Variants in ARHGEF9 observed in about 807,000 individuals in gnomAD.
ARHGEF9 encodes the protein Cdc42 guanine nucleotide exchange factor 9.
Under a neutral mutation model 41.3 loss-of-function variants are expected in ARHGEF9, and 2 were observed. The observed-to-expected ratio is 0.05, with a 90% CI of 0.02 to 0.15. ARHGEF9 has a LOEUF of 0.15. ARHGEF9 is among the 10% of genes least tolerant of loss of function. The pLI, the probability that ARHGEF9 is intolerant of heterozygous loss-of-function variation, is 1.00. For synonymous variants in ARHGEF9, 160 were observed against 154.4 expected (o/e 1.04, Z -0.27); for missense variants, 225 against 424.7 (o/e 0.53, Z 4.13).
intron 4 of ARHGEF9, among the ~76,000 whole-genome samples, chrX:63,690,184 A>G (rs1185360340): frequency 8.9e-6 from 1 of 111,882 alleles, no homozygotes; most frequent in Non-Finnish European, 1.9e-5. Flanking sequence ...GCTGAAAAAT[A>G]CAAAAGATCA....
At chrX:63,687,778 C>A (rs2051076669) in intron 4 of ARHGEF9, among the ~76,000 whole-genome samples, 2 of 109,356 alleles carry the variant, frequency 1.8e-5, no homozygotes, top group South Asian at 8.0e-4. Context: ...GAAGAAAGAA[C>A]CGGTGAGCCC....
chrX:63,671,750 G>A (rs782409484), intron 6 of ARHGEF9, among the ~76,000 whole-genome samples: 4 of 112,586 alleles, frequency 3.6e-5, no homozygotes, highest in East Asian at 2.8e-4. Context: ...CACAAGAATC[G>A]TCAGGGTTGT....
chrX:63,642,556 G>A (rs1556307380), intron 9 of ARHGEF9: 1 of 111,969 alleles, frequency 8.9e-6, no homozygotes, highest in Non-Finnish European at 1.9e-5. Context: ...ATAAGCAGTT[G>A]AAGGGGAGGC....
intron 9 of ARHGEF9, chrX:63,642,826 T>C (rs1265755944): frequency 9.0e-6 from 1 of 111,362 alleles, no homozygotes; most frequent in African/African-American, 3.3e-5. Flanking sequence ...TGAACATGGC[T>C]ATCAGTAATA....
chrX:63,733,324 G>A (rs2054426685), intron 1 of ARHGEF9, among the ~76,000 whole-genome samples: 1 of 112,023 alleles, frequency 8.9e-6, no homozygotes, highest in African/African-American at 3.2e-5. Context: ...TTTATTGCTA[G>A]GTGGCTTCTA....
chrX:63,642,351 A>T (rs1400867800), intron 9 of ARHGEF9: 1 of 111,774 alleles, frequency 8.9e-6, no homozygotes, highest in Non-Finnish European at 1.9e-5. Context: ...ACTGACATTA[A>T]CTCCAGATTG....
At chrX:63,755,196 C>T in intron 1 of ARHGEF9, 1 of 938,805 alleles carries the variant, frequency 1.1e-6, no homozygotes, top group Non-Finnish European at 1.3e-6. Flanking sequence ...GCGGCCAGAG[C>T]CACTGACATA....
chrX:63,662,955 T>C (rs782014708), intron 7 of ARHGEF9, among the ~76,000 whole-genome samples: 9 of 112,197 alleles, frequency 8.0e-5, no homozygotes, highest in Non-Finnish European at 1.1e-4. Context: ...TGGGACATCA[T>C]AGAATTATTT....
At chrX:63,745,272 G>A (rs1453719636) in intron 1 of ARHGEF9, among the ~76,000 whole-genome samples, 2 of 110,869 alleles carry the variant, frequency 1.8e-5, no homozygotes, top group Non-Finnish European at 3.8e-5. Flanking sequence ...GCCTCCTCTG[G>A]GCCCTGAGGG....
intron 1 of ARHGEF9, among the ~76,000 whole-genome samples, chrX:63,740,618 G>T (rs1483529753): frequency 8.9e-6 from 1 of 111,817 alleles, no homozygotes; most frequent in Non-Finnish European, 1.9e-5. Flanking sequence ...TGACCTCAAA[G>T]CCAAAGCTGA....
chrX:63,668,196 C>T (rs1405782947), intron 6 of ARHGEF9, among the ~76,000 whole-genome samples: 3 of 110,331 alleles, frequency 2.7e-5, no homozygotes, highest in East Asian at 2.8e-4. Context: ...TATAGTGGCA[C>T]GATCTCGGCT....
chrX:63,655,939 T>C (rs1378736236), intron 7 of ARHGEF9, among the ~76,000 whole-genome samples: 1 of 111,991 alleles, frequency 8.9e-6, no homozygotes, highest in East Asian at 2.8e-4. Context: ...AAAGCCTCTG[T>C]CTCACCTCGA....
chrX:63,747,432 T>C (rs568631673), intron 1 of ARHGEF9, among the ~76,000 whole-genome samples: 2 of 111,972 alleles, frequency 1.8e-5, no homozygotes, highest in African/African-American at 6.5e-5. Flanking sequence ...CCCTGGGACT[T>C]ATCGAGGCTC....
chrX:63,697,784 CAA>C (rs782154531), intron 3 of ARHGEF9, among the ~76,000 whole-genome samples: 2 of 110,777 alleles, frequency 1.8e-5, no homozygotes, highest in Non-Finnish European at 3.8e-5. Flanking sequence ...ACCATTTCTT[CAA>C]AAAAAAGTTT....
chrX:63,653,849 C>A (rs782026423), intron 8 of ARHGEF9, among the ~76,000 whole-genome samples: 1 of 109,811 alleles, frequency 9.1e-6, no homozygotes, highest in South Asian at 3.9e-4. Flanking sequence ...ACTATATGAC[C>A]CTCATAAAAT....
chrX:63,645,214 T>C lies in ARHGEF9; in HGVS notation c.1322-1166A>G, dbSNP rs542073032. On this transcript the variant is annotated intron_variant, in intron 8 of 9. Transcript: ENST00000671741. ...ACTTTATTCAAAGGAAAATATACTC[T>C]AAAATGATTTTTTTTTCACTTTTTT... Among the ~76,000 whole-genome samples the C allele has an allele frequency of 1.4e-4, 15 of 110,885 alleles. No homozygotes were observed. In the South Asian group the frequency reaches 5.8e-3, roughly 43 times the overall value.
chrX:63,647,862 G>A (rs2048226631), intron 8 of ARHGEF9, among the ~76,000 whole-genome samples: 2 of 110,948 alleles, frequency 1.8e-5, no homozygotes, highest in Non-Finnish European at 3.8e-5. Context: ...GTCTGGTCCT[G>A]GACTTTTTTT....
intron 2 of ARHGEF9, among the ~76,000 whole-genome samples, chrX:63,715,122 C>A (rs1556409270): frequency 8.9e-6 from 1 of 111,775 alleles, no homozygotes; most frequent in Non-Finnish European, 1.9e-5. Context: ...AAGAACTACA[C>A]TCCACTCTAC....
intron 1 of ARHGEF9, chrX:63,727,178 A>G (rs1217083170): frequency 8.9e-6 from 1 of 111,835 alleles, no homozygotes; most frequent in Non-Finnish European, 1.9e-5. Flanking sequence ...GTATCTCAGT[A>G]TCAATTACCA....
Sources: gnomAD v4.1 joint callset for allele counts (sites outside exome capture counted in the v4.1 genomes callset) on GRCh38, gnomAD v4.1.1 for gene constraint, MANE v1.5 for transcripts, NCBI Gene and HGNC (gene_info 2026-07-23, HGNC 2026-07-21) for gene names.